The following MSI2 variants were observed in gnomAD, a reference collection of about 807,000 sequenced individuals.
MSI2 encodes the protein RNA-binding protein Musashi homolog 2.
MSI2 carries 17 observed loss-of-function variants against 45.6 expected under a neutral mutation model. The ratio of observed to expected loss-of-function variants is 0.37; its 90% confidence interval spans 0.26 to 0.56. The LOEUF (loss-of-function observed/expected upper bound fraction) is 0.56. Ranked by LOEUF, MSI2 falls within the 20% of genes least tolerant of loss-of-function variation. MSI2 has a pLI of 0.77. For missense variants in MSI2, 293 were observed against 444.2 expected (o/e 0.66, Z 3.06); for synonymous variants, 156 against 158.2 (o/e 0.99, Z 0.11).
intron 5 of MSI2, among the ~76,000 whole-genome samples, chr17:57,344,526 TA>T (rs1304860621): frequency 6.6e-6 from 1 of 152,228 alleles, no homozygotes; most frequent in Non-Finnish European, 1.5e-5. Flanking sequence ...TGGTTTCTTG[TA>T]GTGGGGATTG....
chr17:57,257,173 C>A (rs775801192), intron 2 of MSI2, 35 bp downstream of exon 2: 4 of 1,461,568 alleles, frequency 2.7e-6, no homozygotes, highest in African/African-American at 1.5e-5. Flanking sequence ...TGGGTCCCCC[C>A]CTTCTTGGCT....
intron 6 of MSI2, among the ~76,000 whole-genome samples, chr17:57,502,630 T>TAGAG (rs1430250345): frequency 4.6e-5 from 6 of 129,378 alleles, no homozygotes; most frequent in Admixed American, 8.6e-5. Context: ...TATATATATA[T>TAGAG]ATATATAGTC....
chr17:57,565,297 A>G (rs1322259152), intron 7 of MSI2, among the ~76,000 whole-genome samples: 1 of 152,178 alleles, frequency 6.6e-6, no homozygotes, highest in Non-Finnish European at 1.5e-5. Flanking sequence ...CAGCATCTGA[A>G]TTCGGTTCCA....
At chr17:57,495,663 C>T (rs887920799) in intron 6 of MSI2, among the ~76,000 whole-genome samples, 3 of 152,128 alleles carry the variant, frequency 2.0e-5, no homozygotes, top group Non-Finnish European at 4.4e-5. Flanking sequence ...CTTCCACAGC[C>T]TTCAACCTTT....
chr17:57,530,723 A>G (rs2086804707), intron 7 of MSI2, among the ~76,000 whole-genome samples: 1 of 152,146 alleles, frequency 6.6e-6, no homozygotes, highest in Non-Finnish European at 1.5e-5. Flanking sequence ...GTCACCTGTG[A>G]TTAGAAACAG....
chr17:57,557,062 C>T (rs564961322), intron 7 of MSI2, among the ~76,000 whole-genome samples: 12 of 152,312 alleles, frequency 7.9e-5, no homozygotes, highest in Non-Finnish European at 1.6e-4. Context: ...ATGGAGCCCA[C>T]TGTTGGGATC....
chr17:57,379,484 T>C (rs1181811088), intron 5 of MSI2, among the ~76,000 whole-genome samples: 2 of 150,306 alleles, frequency 1.3e-5, no homozygotes, highest in African/African-American at 2.4e-5. Flanking sequence ...CTTTCTTCTT[T>C]TTTTTTTTTT....
chr17:57,653,635 T>A (rs1370128490), intron 11 of MSI2, among the ~76,000 whole-genome samples: 1 of 152,200 alleles, frequency 6.6e-6, no homozygotes, highest in East Asian at 1.9e-4. Context: ...AGAAAACTCT[T>A]GAGATTTTTG....
chr17:57,351,534 A>C (rs1396010953), intron 5 of MSI2, among the ~76,000 whole-genome samples: 1 of 152,120 alleles, frequency 6.6e-6, no homozygotes, highest in Non-Finnish European at 1.5e-5. Flanking sequence ...TGGAGCCCCC[A>C]CCTACTTAGC....
intron 8 of MSI2, among the ~76,000 whole-genome samples, chr17:57,607,511 T>G (rs962808388): frequency 6.6e-6 from 1 of 152,226 alleles, no homozygotes; most frequent in African/African-American, 2.4e-5. Flanking sequence ...GTAGGTCCCC[T>G]GGTGCTTGGC....
chr17:57,371,790 T>A (rs1469556742), intron 5 of MSI2, among the ~76,000 whole-genome samples: 1 of 151,966 alleles, frequency 6.6e-6, no homozygotes, highest in Non-Finnish European at 1.5e-5. Flanking sequence ...ACATCTCTGA[T>A]CACTTCCTTA....
chr17:57,303,288 G>A (rs1037769235), intron 5 of MSI2, among the ~76,000 whole-genome samples: 1 of 151,994 alleles, frequency 6.6e-6, no homozygotes, highest in East Asian at 1.9e-4. Flanking sequence ...TATGGAAGGG[G>A]AAAAAAAAGT....
Position 57,258,369 on chromosome 17 carries a change from G to A in MSI2, c.270+15G>A. 1 of 1,600,002 alleles carries A rather than the reference G, an allele frequency of 6.2e-7. No homozygotes were observed. The highest frequency in any genetic ancestry group is 8.6e-7 in the Non-Finnish European group (1 of 1,167,276). ...ATTCCAAGACGGTAGGTTGCTTTTT[G>A]TTGTTGTTGTTCGCCCCTTTTCAGG... On this transcript the variant is annotated intron_variant, in intron 4 of 13. Transcript: ENST00000284073.
chr17:57,688,298 A>G (rs1422941710), downstream of MSI2, among the ~76,000 whole-genome samples: 1 of 152,170 alleles, frequency 6.6e-6, no homozygotes, highest in Non-Finnish European at 1.5e-5. Flanking sequence ...AATTGCTACT[A>G]AAATTCATGA....
chr17:57,676,133 C>T (rs747819966), intron 12 of MSI2, among the ~76,000 whole-genome samples: 1 of 152,240 alleles, frequency 6.6e-6, no homozygotes, highest in Admixed American at 6.5e-5. Flanking sequence ...GGCCACGCTG[C>T]GGAGAACAAA....
At position 57,633,561 on chromosome 17, in the gene MSI2, G is replaced by A. The variant is rs116825448; in HGVS notation, c.727+6258G>A. 3.3e-3 allele frequency among the ~76,000 whole-genome samples: 499 copies of A among 152,364 alleles called. 3 individuals are homozygous for A. The highest frequency in any genetic ancestry group is 0.011 in the African/African-American group (472 of 41,590). Reference sequence around the variant, plus strand: ...CACGGGCCTGTGTGTGGTTGTGCACGTGGCCTGCTTTCCTGACTCCCCAGA... The same window carrying A: ...CACGGGCCTGTGTGTGGTTGTGCACATGGCCTGCTTTCCTGACTCCCCAGA... On this transcript the variant is annotated intron_variant, in intron 10 of 13. Coordinates refer to ENST00000284073, the MANE Select transcript of MSI2 (RefSeq NM_138962.4).
intron 6 of MSI2, among the ~76,000 whole-genome samples, chr17:57,476,782 A>T (rs978499047): frequency 1.3e-5 from 2 of 152,172 alleles, no homozygotes; most frequent in African/African-American, 4.8e-5. Context: ...GACAGGTGAG[A>T]ACATTGAGAT....
intron 6 of MSI2, chr17:57,432,698 C>T (rs2084619929): frequency 6.5e-6 from 1 of 152,832 alleles, no homozygotes; most frequent in African/African-American, 2.4e-5. Context: ...CTCACACTGA[C>T]CTCACTGACT....
At chr17:57,369,618 C>T (rs984549500) in intron 5 of MSI2, among the ~76,000 whole-genome samples, 4 of 152,312 alleles carry the variant, frequency 2.6e-5, no homozygotes, top group African/African-American at 4.8e-5. Flanking sequence ...ATTAAGAAAT[C>T]GTAAAGCTTC....
Sources: allele counts gnomAD v4.1 joint callset (sites outside exome capture counted in the v4.1 genomes callset), GRCh38; gene constraint gnomAD v4.1.1; transcripts MANE v1.5; gene names NCBI Gene and HGNC (gene_info 2026-07-23, HGNC 2026-07-21).